Variants in MYO16 observed in about 807,000 individuals in gnomAD.
MYO16 encodes the protein myosin XVI, also known as unconventional myosin-XVI.
Under a neutral mutation model 205.3 loss-of-function variants are expected in MYO16, and 94 were observed. That is an observed-to-expected ratio of 0.46 (90% CI 0.39 to 0.54). The LOEUF is 0.54. Among genes scored for constraint, MYO16 ranks in the 20% least tolerant of loss-of-function variants. The pLI is 0.00. For synonymous variants in MYO16, 988 were observed against 954.0 expected (o/e 1.04, Z -0.66); for missense variants, 2,315 against 2,387.5 (o/e 0.97, Z 0.63).
intron 21 of MYO16, among the ~76,000 whole-genome samples, chr13:108,995,171 T>C (rs2139445251): frequency 6.6e-6 from 1 of 152,282 alleles, no homozygotes; most frequent in Middle Eastern, 3.4e-3. Context: ...AAATGTAAGA[T>C]CAAGATGGCA....
chr13:108,909,602 T>C (rs1566405765), intron 15 of MYO16, among the ~76,000 whole-genome samples: 1 of 151,966 alleles, frequency 6.6e-6, no homozygotes, highest in East Asian at 1.9e-4. Flanking sequence ...GGAATGCTTA[T>C]CAGTGCCTTT....
At chr13:108,874,492 G>A (rs773045755) in intron 12 of MYO16, among the ~76,000 whole-genome samples, 7 of 152,000 alleles carry the variant, frequency 4.6e-5, no homozygotes, top group Non-Finnish European at 8.8e-5. Context: ...ATCTCAAAAG[G>A]CAAGCAAATC....
chr13:108,829,167 TGGC>T (rs1852967958), intron 9 of MYO16, among the ~76,000 whole-genome samples: 1 of 152,180 alleles, frequency 6.6e-6, no homozygotes, highest in Non-Finnish European at 1.5e-5. Context: ...GTCTAACCCT[TGGC>T]GGTTAGCATA....
intron 1 of MYO16, among the ~76,000 whole-genome samples, chr13:108,605,834 A>G (rs1339718255): frequency 6.6e-6 from 1 of 152,206 alleles, no homozygotes; most frequent in Non-Finnish European, 1.5e-5. Context: ...GGAACTGGGT[A>G]ATAGACAAAG....
At chr13:108,880,341 T>C (rs1178531611) in intron 12 of MYO16, among the ~76,000 whole-genome samples, 1 of 152,246 alleles carries the variant, frequency 6.6e-6, no homozygotes, top group Non-Finnish European at 1.5e-5. Flanking sequence ...TAGTTTCTTT[T>C]GCTGTGCAGA....
At chr13:108,612,890 T>C (rs764348159) in intron 1 of MYO16, among the ~76,000 whole-genome samples, 3 of 152,160 alleles carry the variant, frequency 2.0e-5, no homozygotes, top group Non-Finnish European at 4.4e-5. Flanking sequence ...GTCTTGAAAT[T>C]AAACCAGTAT....
rs1880656125 is a variant in MYO16, at chr13:109,207,583, A to G, written c.*747A>G. ...TCTTTCCTATGCCCTGTATTTCTGG[A>G]TAAGTGGATTGTGTACCCTTTAGTT... On this transcript the variant is annotated 3_prime_UTR_variant, in exon 35 of 35. Coordinates refer to ENST00000457511, the MANE Select transcript of MYO16 (RefSeq NM_001198950.3). 6.6e-6 allele frequency: 1 copy of G among 152,186 alleles called. No homozygotes were observed. Among genetic ancestry groups the G allele is most frequent in the Admixed American group, 6.5e-5 (1 of 15,280 alleles). The allele number at this position is 152,186 out of a possible 1,614,324, so 9.4% of individuals were successfully genotyped here.
chr13:108,851,001 T>C (rs1312483698), intron 10 of MYO16, among the ~76,000 whole-genome samples: 1 of 152,220 alleles, frequency 6.6e-6, no homozygotes, highest in Non-Finnish European at 1.5e-5. Flanking sequence ...GTACTATTCA[T>C]GTTTTTGCTA....
intron 1 of MYO16, among the ~76,000 whole-genome samples, chr13:108,599,153 C>T (rs1878670301): frequency 6.6e-6 from 1 of 151,124 alleles, no homozygotes; most frequent in African/African-American, 2.4e-5. Context: ...CATCCATGTC[C>T]CTACAAAGGA....
chr13:109,041,858 T>C (rs1280558415), intron 23 of MYO16, among the ~76,000 whole-genome samples: 1 of 88,400 alleles, frequency 1.1e-5, no homozygotes, highest in African/African-American at 4.5e-5. Context: ...ATTTTCAAAT[T>C]GCCTTTTTTT....
chr13:108,786,172 A>G (rs1458138570), intron 5 of MYO16, among the ~76,000 whole-genome samples: 1 of 152,252 alleles, frequency 6.6e-6, no homozygotes, highest in African/African-American at 2.4e-5. Flanking sequence ...GTGAGGGCTT[A>G]AGTCAAGGAC....
At chr13:109,113,069 T>C (rs1173690273) in intron 28 of MYO16, among the ~76,000 whole-genome samples, 2 of 152,198 alleles carry the variant, frequency 1.3e-5, no homozygotes, top group African/African-American at 4.8e-5. Context: ...TTTATTATTA[T>C]AAGATACACA....
Position 108,877,846 on chromosome 13 carries a change from C to T in MYO16, c.1426-5213C>T, listed in dbSNP as rs539441270. On this transcript the variant is annotated intron_variant, in intron 12 of 34. Transcript: ENST00000457511. The stretch of plus-strand genomic sequence containing the variant: ...TAAATTTAATGTAGTAAGATCGCTC[C>T]ATCATTCTCATTATAATTTATATTT... 3.3e-5 allele frequency among the ~76,000 whole-genome samples: 5 copies of T among 152,242 alleles called. No homozygotes were observed. In the South Asian group the frequency reaches 1.0e-3, roughly 32 times the overall value.
the MYO16 span, among the ~76,000 whole-genome samples, chr13:108,558,035 T>A: frequency 6.6e-6 from 1 of 152,236 alleles, no homozygotes; most frequent in Non-Finnish European, 1.5e-5. Context: ...TAATCCTTTA[T>A]GAAAATTTTA....
In MYO16 at chr13:108,922,889, G is replaced by A. The variant is rs538917613; in HGVS notation, c.1925+12739G>A. On this transcript the variant is annotated intron_variant, in intron 16 of 34. Transcript: ENST00000457511. ...ACTGAGTTTAGGAGGGAGACTATAC[G>A]AAAACCTTGACATATGTTATCTCCC... Among the ~76,000 whole-genome samples the A allele has an allele frequency of 1.3e-4, 20 of 152,196 alleles. No individual in the cohort carries two copies. The South Asian group carries it at 2.3e-3, about 17-fold the overall frequency.
At chr13:108,688,535 C>T (rs540684683) in intron 2 of MYO16, among the ~76,000 whole-genome samples, 7 of 152,296 alleles carry the variant, frequency 4.6e-5, no homozygotes, top group Middle Eastern at 3.4e-3. Flanking sequence ...CATGCTTGCA[C>T]TGGAACTGCA....
At chr13:108,693,603 A>G (rs1882981716) in intron 2 of MYO16, among the ~76,000 whole-genome samples, 1 of 152,314 alleles carries the variant, frequency 6.6e-6, no homozygotes, top group South Asian at 2.1e-4. Context: ...GCATAGATAT[A>G]AAAAACTTGG....
At chr13:109,100,919 T>C (rs1280058529) in intron 28 of MYO16, 32 bp downstream of exon 28, 1 of 1,571,676 alleles carries the variant, frequency 6.4e-7, no homozygotes, top group Admixed American at 1.7e-5. Context: ...AAAATAACAT[T>C]TTAGGATTTT....
intron 2 of MYO16, among the ~76,000 whole-genome samples, chr13:108,708,812 A>G (rs1446952800): frequency 6.6e-6 from 1 of 152,110 alleles, no homozygotes; most frequent in East Asian, 1.9e-4. Flanking sequence ...CTAGAAACAC[A>G]AAATAAATGC....
Sources: allele counts gnomAD v4.1 joint callset (sites outside exome capture counted in the v4.1 genomes callset), GRCh38; gene constraint gnomAD v4.1.1; transcripts MANE v1.5; gene names NCBI Gene and HGNC (gene_info 2026-07-23, HGNC 2026-07-21).